Variants in SFMBT1 observed in about 807,000 individuals in gnomAD.
SFMBT1 encodes the protein Scm like with four mbt domains 1, also known as scm-like with four MBT domains protein 1.
Under a neutral mutation model 108.7 loss-of-function variants are expected in SFMBT1, and 32 were observed. The observed-to-expected ratio is 0.29, with a 90% confidence interval of 0.22 to 0.40. The LOEUF (loss-of-function observed/expected upper bound fraction) is 0.40, where lower values mean the gene tolerates loss of function less well. Among genes scored for constraint, SFMBT1 ranks in the 10% least tolerant of loss-of-function variants. SFMBT1 has a pLI of 1.00. For missense variants in SFMBT1, 816 were observed against 1,059.6 expected, an observed-to-expected ratio of 0.77 and a Z score of 3.19; for synonymous variants, 348 against 369.5, an observed-to-expected ratio of 0.94 and a Z score of 0.67.
At chr3:52,993,092 T>C (rs181344143) in intron 1 of SFMBT1, among the ~76,000 whole-genome samples, 218 of 152,114 alleles carry the variant, frequency 1.4e-3, no homozygotes, top group African/African-American at 5.1e-3. Flanking sequence ...TAATGCTGTA[T>C]CAGTTGTTTT....
chr3:52,930,472 G>C (rs779036121), intron 7 of SFMBT1, 42 bp from the exon 8 acceptor site: 1 of 1,103,140 alleles, frequency 9.1e-7, no homozygotes, highest in East Asian at 2.3e-5. Context: ...CATAGTATCT[G>C]TATCAATCTT....
rs754565893 is a variant in SFMBT1, at chr3:52,928,181, G to A, written c.1048+10C>T. The A allele has an allele frequency of 1.4e-5, 23 of 1,606,918 alleles. No homozygotes were observed. Among genetic ancestry groups the A allele is most frequent in the Admixed American group, 3.4e-5 (2 of 58,566 alleles). ...CTCAAGTGACAATTCAGAAGACAGC[G>A]AATGTGCACCTGGAGGGGGGCTGAT... On this transcript the variant is annotated intron_variant, in intron 9 of 20. Coordinates refer to ENST00000394752, the MANE Select transcript of SFMBT1 (RefSeq NM_016329.4).
rs567898475 is a variant in SFMBT1, at chr3:52,930,507, C to A, written c.796-77G>T. On this transcript the variant is annotated intron_variant, in intron 7 of 20. Coordinates refer to ENST00000394752, the MANE Select transcript of SFMBT1 (RefSeq NM_016329.4). ...TACACTCACATGTAGCTGTGATTAA[C>A]AGAAATGTCCAGCTCTGGTAAATCC... The A allele has an allele frequency of 9.2e-5, 76 of 824,090 alleles. No individual in the cohort carries two copies. The African/African-American group carries it at 1.0e-3, about 11-fold the overall frequency. 51.0% of individuals were successfully genotyped at this position (824,090 alleles called of 1,614,324 possible). A position where few individuals can be genotyped will look rare whatever the true frequency, so the allele number is the denominator to read the frequency against.
intron 1 of SFMBT1, among the ~76,000 whole-genome samples, chr3:53,025,822 C>T (rs1284786287): frequency 6.6e-6 from 1 of 152,168 alleles, no homozygotes; most frequent in East Asian, 1.9e-4. Flanking sequence ...CCCTAACAAT[C>T]TCTACTCATC....
intron 1 of SFMBT1, among the ~76,000 whole-genome samples, chr3:53,020,018 C>T (rs1451962294): frequency 3.9e-5 from 6 of 152,166 alleles, no homozygotes; most frequent in Admixed American, 6.5e-5. Flanking sequence ...CTTCTCTACA[C>T]GTGACTGCTT....
rs752780414 is a variant in SFMBT1, at chr3:52,930,994, A to T, written c.742T>A (p.Leu248Met). ...LKNEAEWQEI[L>M]AKVKEEEEEP... ...TCCTCTTCCTCTTTCACTTTGGCCA[A>T]AATCTCTTGCCACTCAGCTTCATTT... The change falls in exon 7 of 21, where the codon TTG (leucine) becomes ATG (methionine). Residue 248 changes from leucine (L) to methionine (M), a missense_variant. This residue lies in a region of SFMBT1 where 495 missense variants were observed against 607.4 expected (regional missense o/e 0.81). Coordinates refer to ENST00000394752, the MANE Select transcript of SFMBT1 (RefSeq NM_016329.4). The T allele has an allele frequency of 1.8e-5, 29 of 1,613,948 alleles. No individual in the cohort carries two copies. In the East Asian group the frequency reaches 5.6e-4, roughly 31 times the overall value.
intron 1 of SFMBT1, among the ~76,000 whole-genome samples, chr3:53,037,778 C>A (rs1451790890): frequency 6.6e-6 from 1 of 152,074 alleles, no homozygotes; most frequent in Non-Finnish European, 1.5e-5. Flanking sequence ...GTTTTGAGAC[C>A]AGGTTGGACA....
chr3:52,972,791 A>ACT (rs1704390419), intron 1 of SFMBT1, among the ~76,000 whole-genome samples: 1 of 129,710 alleles, frequency 7.7e-6, no homozygotes, highest in African/African-American at 3.0e-5. Context: ...ACACACACAC[A>ACT]CTAGCTGAGT....
chr3:52,982,202 A>G (rs1704734839), intron 1 of SFMBT1, among the ~76,000 whole-genome samples: 1 of 152,196 alleles, frequency 6.6e-6, no homozygotes, highest in Admixed American at 6.5e-5. Context: ...TGTCAACACT[A>G]TGCAAGAGAA....
chr3:52,976,992 G>A (rs1704541258), intron 1 of SFMBT1, among the ~76,000 whole-genome samples: 1 of 152,182 alleles, frequency 6.6e-6, no homozygotes, highest in African/African-American at 2.4e-5. Context: ...CTTTTAGACA[G>A]AAATTTTATT....
intron 2 of SFMBT1, 105 bp downstream of exon 2, chr3:52,968,996 C>A: frequency 7.2e-7 from 1 of 1,387,238 alleles, no homozygotes; most frequent in South Asian, 1.2e-5. Flanking sequence ...CAACTTAAGA[C>A]TTCAAAGAGC....
chr3:52,984,132 C>G (rs1353572302), intron 1 of SFMBT1, among the ~76,000 whole-genome samples: 1 of 152,084 alleles, frequency 6.6e-6, no homozygotes, highest in African/African-American at 2.4e-5. Flanking sequence ...AAGGATAGAA[C>G]TGCCACTTAT....
intron 3 of SFMBT1, among the ~76,000 whole-genome samples, chr3:52,944,472 T>G (rs1049516695): frequency 3.9e-5 from 6 of 152,226 alleles, no homozygotes; most frequent in African/African-American, 1.4e-4. Context: ...AATAATGACA[T>G]GTAGTCACAG....
At chr3:53,035,989 G>T (rs1699858228) in intron 1 of SFMBT1, among the ~76,000 whole-genome samples, 1 of 152,200 alleles carries the variant, frequency 6.6e-6, no homozygotes, top group South Asian at 2.1e-4. Flanking sequence ...ACTTTCCAAG[G>T]TGTCTTTCCT....
At chr3:52,918,654 T>TG in intron 12 of SFMBT1, 128 bp from the exon 13 acceptor site, 1 of 458,568 alleles carries the variant, frequency 2.2e-6, no homozygotes, top group Non-Finnish European at 3.7e-6. Flanking sequence ...TATATATGTG[T>TG]GTGTGTATAT....
intron 3 of SFMBT1, among the ~76,000 whole-genome samples, chr3:52,952,831 C>T (rs1447863161): frequency 2.0e-5 from 3 of 152,130 alleles, no homozygotes; most frequent in African/African-American, 7.2e-5. Flanking sequence ...TGGGAGGGCA[C>T]AAACATTTAG....
At chr3:52,906,960 C>A in intron 19 of SFMBT1, 109 bp downstream of exon 19, 1 of 1,369,326 alleles carries the variant, frequency 7.3e-7, no homozygotes, top group Non-Finnish European at 9.7e-7. Flanking sequence ...GGAAATTCTA[C>A]ATAAGTCTGT....
chr3:53,030,240 T>C (rs1430104600), intron 1 of SFMBT1, among the ~76,000 whole-genome samples: 4 of 152,258 alleles, frequency 2.6e-5, no homozygotes, highest in African/African-American at 4.8e-5. Flanking sequence ...TGCAAAACAA[T>C]GTCTAAAATA....
chr3:53,021,245 T>C (rs1699297094), intron 1 of SFMBT1, among the ~76,000 whole-genome samples: 1 of 152,260 alleles, frequency 6.6e-6, no homozygotes, highest in Non-Finnish European at 1.5e-5. Flanking sequence ...GTAACTAGTA[T>C]GTACCTAAAT....
Sources: gnomAD v4.1 joint callset for allele counts (sites outside exome capture counted in the v4.1 genomes callset) on GRCh38, gnomAD v4.1.1 for gene constraint, gnomAD v4.1.1 regional missense constraint, MANE v1.5 for transcripts, NCBI Gene and HGNC (gene_info 2026-07-23, HGNC 2026-07-21) for gene names.